PPFIBP2: variants seen among roughly 807,000 people sequenced by gnomAD.
The protein encoded by PPFIBP2 is liprin-beta-2.
PPFIBP2 carries 118 observed loss-of-function variants against 118.3 expected under a neutral mutation model. The observed-to-expected ratio is 1.00, with a 90% confidence interval of 0.86 to 1.16. The LOEUF (loss-of-function observed/expected upper bound fraction) is 1.16. Ranked by LOEUF, PPFIBP2 falls within the 50% of genes most tolerant of loss-of-function variation. The pLI is 0.00. For synonymous variants in PPFIBP2, 414 were observed against 397.4 expected, an observed-to-expected ratio of 1.04 and a Z score of -0.50; for missense variants, 1,195 against 1,073.1, an observed-to-expected ratio of 1.11 and a Z score of -1.59.
At chr11:7,519,095 ACTGGGAAGATGGTGG>A (rs996854240) in intron 1 of PPFIBP2, among the ~76,000 whole-genome samples, 9 of 151,930 alleles carry the variant, frequency 5.9e-5, no homozygotes, top group African/African-American at 1.9e-4. Flanking sequence ...GGTACTGCTG[ACTGGGAAGATGGTGG>A]CTGGGAAGAT....
chr11:7,572,291 G>A (rs1423748871), intron 3 of PPFIBP2, among the ~76,000 whole-genome samples: 9 of 152,236 alleles, frequency 5.9e-5, no homozygotes, highest in African/African-American at 1.7e-4. Flanking sequence ...GGGGGATTTT[G>A]AATGCCCTTT....
intron 3 of PPFIBP2, among the ~76,000 whole-genome samples, chr11:7,572,200 G>C (rs1295467436): frequency 6.6e-6 from 1 of 152,098 alleles, no homozygotes; most frequent in African/African-American, 2.4e-5. Context: ...GTGCTAGTAG[G>C]TTGGCCCCTT....
chr11:7,651,179 G>T (rs1180642157), intron 22 of PPFIBP2: 2 of 488,156 alleles, frequency 4.1e-6, no homozygotes, highest in Non-Finnish European at 7.2e-6. Context: ...GCACCTCCTT[G>T]GCATGAGACT....
At chr11:7,538,233 T>C (rs1851411159) in intron 1 of PPFIBP2, 1 of 152,376 alleles carries the variant, frequency 6.6e-6, no homozygotes, top group Non-Finnish European at 1.5e-5. Flanking sequence ...TGTCTCATTC[T>C]CATGTCTTTG....
intron 6 of PPFIBP2, among the ~76,000 whole-genome samples, chr11:7,618,237 T>C (rs577365685): frequency 1.3e-5 from 2 of 152,304 alleles, no homozygotes; most frequent in African/African-American, 4.8e-5. Context: ...TAGACTTGGA[T>C]AGAGAAGCCT....
chr11:7,654,461 C>T (rs1015832638), downstream of PPFIBP2, among the ~76,000 whole-genome samples: 1 of 152,244 alleles, frequency 6.6e-6, no homozygotes, highest in Non-Finnish European at 1.5e-5. Flanking sequence ...GGCCTGATGA[C>T]TCCATTCCAT....
chr11:7,514,739 C>G (rs1173047968), intron 1 of PPFIBP2, among the ~76,000 whole-genome samples: 1 of 152,200 alleles, frequency 6.6e-6, no homozygotes, highest in Non-Finnish European at 1.5e-5. Context: ...ATTCCAGACC[C>G]GCAGTTTTTC....
At chr11:7,642,268 G>T in intron 16 of PPFIBP2, 30 bp from the exon 17 acceptor site, 1 of 1,611,974 alleles carries the variant, frequency 6.2e-7, no homozygotes, top group South Asian at 1.1e-5. Context: ...ACTATTCCAT[G>T]ACCGTCTCCA....
chr11:7,579,179 C>A (rs1856894183), intron 3 of PPFIBP2, among the ~76,000 whole-genome samples: 1 of 152,032 alleles, frequency 6.6e-6, no homozygotes. Flanking sequence ...TAGTACAAAC[C>A]CCTCATTTAA....
chr11:7,569,191 T>A (rs1855370272), intron 3 of PPFIBP2: 3 of 152,362 alleles, frequency 2.0e-5, no homozygotes, highest in Admixed American at 2.0e-4. Flanking sequence ...ATTGGGTAGC[T>A]GTTTCTTTGT....
intron 1 of PPFIBP2, among the ~76,000 whole-genome samples, chr11:7,520,407 G>C (rs934547698): frequency 6.6e-5 from 10 of 152,136 alleles, no homozygotes; most frequent in Non-Finnish European, 1.3e-4. Flanking sequence ...TTGCACCTTG[G>C]GACTGGGCCT....
Position 7,610,423 on chromosome 11 carries a change from G to T in PPFIBP2, c.618+1G>T. ...GGAGGAGAAGCAGAGAAAAGCAGAG[G>T]TAAGGGTGAGTGTGTACTGTCCTAA... On this transcript the variant is annotated splice_donor_variant, in intron 6 of 23. Transcript: ENST00000299492. LOFTEE classifies it high-confidence loss of function. 1.9e-6 allele frequency: 3 copies of T among 1,613,164 alleles called. No homozygotes were observed. The highest frequency in any genetic ancestry group is 2.5e-6 in the Non-Finnish European group (3 of 1,179,858).
At chr11:7,613,033 C>T (rs554098143) in intron 6 of PPFIBP2, among the ~76,000 whole-genome samples, 12 of 152,238 alleles carry the variant, frequency 7.9e-5, no homozygotes, top group Admixed American at 7.2e-4. Context: ...GCTGTTTTTT[C>T]CAGTGAGTGT....
At chr11:7,588,344 C>T (rs1273362511) in intron 3 of PPFIBP2, among the ~76,000 whole-genome samples, 4 of 152,204 alleles carry the variant, frequency 2.6e-5, no homozygotes, top group African/African-American at 7.2e-5. Context: ...TCTCTCTGTC[C>T]TCTCCCTGCT....
chr11:7,551,790 A>T (rs1853026693), intron 2 of PPFIBP2, among the ~76,000 whole-genome samples: 1 of 152,242 alleles, frequency 6.6e-6, no homozygotes, highest in Non-Finnish European at 1.5e-5. Context: ...ATTTCTCCAT[A>T]CAGGCATTCC....
intron 1 of PPFIBP2, among the ~76,000 whole-genome samples, chr11:7,519,869 G>A (rs557424277): frequency 6.6e-6 from 1 of 152,136 alleles, no homozygotes. Context: ...AAAAGAGGCC[G>A]AGCACGTTTT....
the PPFIBP2 span, among the ~76,000 whole-genome samples, chr11:7,663,210 G>A: frequency 3.8e-5 from 5 of 132,740 alleles, 2 homozygotes; most frequent in Non-Finnish European, 8.9e-5. Context: ...TTCCTTTGGA[G>A]GAGGAGAGGC....
chr11:7,520,889 T>C (rs1849699214), intron 1 of PPFIBP2, among the ~76,000 whole-genome samples: 1 of 152,230 alleles, frequency 6.6e-6, no homozygotes, highest in Admixed American at 6.5e-5. Context: ...AAAGGTGGGC[T>C]TTATCCTTTA....
At chr11:7,517,035 A>G (rs1020420960) in intron 1 of PPFIBP2, among the ~76,000 whole-genome samples, 21 of 152,180 alleles carry the variant, frequency 1.4e-4, no homozygotes, top group Admixed American at 6.5e-5. Context: ...TATTCTTGAG[A>G]GATGTGTTGG....
Sources: allele counts gnomAD v4.1 joint callset (sites outside exome capture counted in the v4.1 genomes callset), GRCh38; gene constraint gnomAD v4.1.1; transcripts MANE v1.5; gene names NCBI Gene and HGNC (gene_info 2026-07-23, HGNC 2026-07-21).